Variants in NRF1 observed in about 807,000 individuals in gnomAD.
NRF1 encodes the protein nuclear respiratory factor 1.
In NRF1, 5 loss-of-function variants were observed where a neutral mutation model predicts 58.5. That is an observed-to-expected ratio of 0.09 (90% CI 0.04 to 0.18). The LOEUF (loss-of-function observed/expected upper bound fraction) is 0.18, where lower values mean the gene tolerates loss of function less well. NRF1 is among the 10% of genes least tolerant of loss of function. NRF1 has a pLI of 1.00. For missense variants in NRF1, 288 were observed against 657.7 expected, an observed-to-expected ratio of 0.44 and a Z score of 6.15; for synonymous variants, 224 against 246.7, an observed-to-expected ratio of 0.91 and a Z score of 0.86.
At chr7:129,682,253 G>A (rs1370852577) in intron 4 of NRF1, among the ~76,000 whole-genome samples, 1 of 152,114 alleles carries the variant, frequency 6.6e-6, no homozygotes. Flanking sequence ...GAGGCCAGGA[G>A]TTTGAGACCA....
In NRF1 at chr7:129,623,706, T is replaced by G. The variant is rs183870727; in HGVS notation, c.-7+11882T>G. On this transcript the variant is annotated intron_variant, in intron 1 of 10. Coordinates refer to ENST00000393232, the MANE Select transcript of NRF1 (RefSeq NM_005011.5). ...GAAAGCAAATCTAGGGTAAATCATT[T>G]CTTAGTGACTGCATTTAGTATCTAA... Among the ~76,000 whole-genome samples, 7 of 152,340 alleles carry G rather than the reference T, an allele frequency of 4.6e-5. No homozygotes were observed. The East Asian group carries it at 1.3e-3, about 29-fold the overall frequency.
At chr7:129,648,861 T>C (rs1324160514) in intron 1 of NRF1, among the ~76,000 whole-genome samples, 1 of 152,152 alleles carries the variant, frequency 6.6e-6, no homozygotes, top group Non-Finnish European at 1.5e-5. Flanking sequence ...TCATTTTCTG[T>C]ATTTTGGTCT....
chr7:129,629,584 G>C (rs968310189), intron 1 of NRF1, among the ~76,000 whole-genome samples: 1 of 152,110 alleles, frequency 6.6e-6, no homozygotes, highest in Non-Finnish European at 1.5e-5. Context: ...CCGCACACAC[G>C]CTTTTTGAGA....
intron 3 of NRF1, among the ~76,000 whole-genome samples, chr7:129,673,716 CAA>C (rs542854064): frequency 4.0e-5 from 4 of 99,116 alleles, no homozygotes; most frequent in Non-Finnish European, 7.5e-5. Context: ...GACTCCGTCT[CAA>C]AAAAAAAAAA....
In NRF1 at chr7:129,677,120, C is replaced by T. The variant is rs144656861; in HGVS notation, c.339-512C>T. Among the ~76,000 whole-genome samples, 258 of 148,898 alleles carry T rather than the reference C, an allele frequency of 1.7e-3. 1 individual carries two copies. Among genetic ancestry groups the T allele is most frequent in the African/African-American group, 5.7e-3 (234 of 40,718 alleles). On this transcript the variant is annotated intron_variant, in intron 3 of 10. Coordinates refer to ENST00000393232, the MANE Select transcript of NRF1 (RefSeq NM_005011.5). ...CCACCTCCTGGATTCAAGCAATTCT[C>T]GTGCCTCAGCCTCCCAAGAATCTAG...
intron 1 of NRF1, among the ~76,000 whole-genome samples, chr7:129,619,320 C>T (rs1234870830): frequency 6.9e-6 from 1 of 145,228 alleles, no homozygotes; most frequent in Non-Finnish European, 1.5e-5. Context: ...CAAGACCAGC[C>T]TGAGCAACAT....
intron 9 of NRF1, among the ~76,000 whole-genome samples, chr7:129,726,040 ACCCACCTCCACTT>A (rs1343937627): frequency 1.3e-5 from 2 of 152,134 alleles, no homozygotes; most frequent in African/African-American, 4.8e-5. Flanking sequence ...CTGTCCCCTT[ACCCACCTCCACTT>A]ACGGCTTGTG....
chr7:129,750,968 C>A (rs1562993932), intron 10 of NRF1, among the ~76,000 whole-genome samples: 1 of 152,168 alleles, frequency 6.6e-6, no homozygotes, highest in Non-Finnish European at 1.5e-5. Flanking sequence ...TGACTGCTGG[C>A]CACTCAAAGA....
intron 10 of NRF1, among the ~76,000 whole-genome samples, chr7:129,747,536 A>G (rs1259376170): frequency 1.3e-5 from 2 of 152,206 alleles, no homozygotes; most frequent in Admixed American, 6.5e-5. Context: ...CATCTTTGAA[A>G]AGCAGTGGCA....
intron 1 of NRF1, among the ~76,000 whole-genome samples, chr7:129,634,972 A>G (rs900213162): frequency 6.6e-6 from 1 of 151,490 alleles, no homozygotes; most frequent in Non-Finnish European, 1.5e-5. Context: ...TTCTTTATCT[A>G]TTTTTTTCCT....
chr7:129,667,011 G>T (rs553014563), intron 2 of NRF1, among the ~76,000 whole-genome samples: 1 of 152,158 alleles, frequency 6.6e-6, no homozygotes, highest in East Asian at 1.9e-4. Flanking sequence ...TCTGTGATAT[G>T]TTCTAGTCTG....
intron 1 of NRF1, among the ~76,000 whole-genome samples, chr7:129,642,712 C>G (rs1049021691): frequency 1.3e-5 from 2 of 151,494 alleles, no homozygotes; most frequent in South Asian, 4.2e-4. Flanking sequence ...CTCAGTTACC[C>G]CCAAAGAACA....
Position 129,741,098 on chromosome 7 carries a change from G to A in NRF1, c.1348+13733G>A, listed in dbSNP as rs1358181098. On this transcript the variant is annotated intron_variant, in intron 10 of 10. Transcript: ENST00000393232. The surrounding 1 kb of genome is among the most constrained non-coding windows in gnomAD (Gnocchi z 4.0). ...TTTGTTTTTCTGTACTTCAATAGAT[G>A]CAAATTCATTTACTCTTTGGTCTGC... Among the ~76,000 whole-genome samples the A allele has an allele frequency of 6.6e-6, 1 of 152,072 alleles. No homozygotes were observed. Among genetic ancestry groups the A allele is most frequent in the Non-Finnish European group, 1.5e-5 (1 of 68,014 alleles).
intron 4 of NRF1, among the ~76,000 whole-genome samples, chr7:129,682,239 G>A (rs920596668): frequency 3.3e-5 from 5 of 152,072 alleles, no homozygotes; most frequent in Non-Finnish European, 7.4e-5. Context: ...TGGGAGGATT[G>A]GTTGAGGCCA....
At chr7:129,645,255 A>G (rs111815649) in intron 1 of NRF1, among the ~76,000 whole-genome samples, 20 of 152,366 alleles carry the variant, frequency 1.3e-4, no homozygotes, top group African/African-American at 4.6e-4. Context: ...AGATGTTACA[A>G]CTAAGACAGA....
intron 2 of NRF1, among the ~76,000 whole-genome samples, chr7:129,659,430 A>G (rs567624451): frequency 7.9e-5 from 12 of 152,310 alleles, no homozygotes; most frequent in East Asian, 5.8e-4. Flanking sequence ...TGCATCTCCA[A>G]CTGGTCTCCT....
intron 9 of NRF1, 107 bp from the exon 10 acceptor site, chr7:129,727,134 C>G: frequency 3.3e-6 from 4 of 1,203,770 alleles, no homozygotes; most frequent in Non-Finnish European, 4.5e-6. Context: ...GGATCACAAC[C>G]ATGGAGTCAG....
intron 5 of NRF1, among the ~76,000 whole-genome samples, chr7:129,703,263 T>A (rs1372812762): frequency 6.6e-6 from 1 of 152,142 alleles, no homozygotes; most frequent in Non-Finnish European, 1.5e-5. Context: ...TAAATCAGAA[T>A]GAGAGTCCAG....
At chr7:129,716,350 AG>A (rs1398581398) in intron 8 of NRF1, among the ~76,000 whole-genome samples, 2 of 152,144 alleles carry the variant, frequency 1.3e-5, no homozygotes, top group Admixed American at 6.5e-5. Context: ...CTTTGGACAA[AG>A]GGTCTAGAGT....
Sources: gnomAD v4.1 joint callset for allele counts (sites outside exome capture counted in the v4.1 genomes callset) on GRCh38, gnomAD v4.1.1 for gene constraint, Gnocchi (gnomAD v3.1) non-coding constraint, MANE v1.5 for transcripts, NCBI Gene and HGNC (gene_info 2026-07-23, HGNC 2026-07-21) for gene names.